Variants in GRB14 observed in about 807,000 individuals in gnomAD.
GRB14 encodes the protein growth factor receptor bound protein 14.
In GRB14, 38 loss-of-function variants were observed where a neutral mutation model predicts 69.1. The observed-to-expected ratio is 0.55, with a 90% CI of 0.42 to 0.72. The LOEUF is 0.72. Among genes scored for constraint, GRB14 ranks in the 30% least tolerant of loss-of-function variants. GRB14 has a pLI of 0.00. For missense variants in GRB14, 666 were observed against 666.1 expected (o/e 1.00, Z 0.00); for synonymous variants, 247 against 241.3 (o/e 1.02, Z -0.22).
chr2:164,493,766 A>G (rs1686820827), intron 13 of GRB14, among the ~76,000 whole-genome samples: 1 of 151,784 alleles, frequency 6.6e-6, no homozygotes, highest in Non-Finnish European at 1.5e-5. Flanking sequence ...CTCCAAAAAG[A>G]GGCAATTCAA....
rs558449108 is a variant in GRB14, at chr2:164,615,225, G to A, written c.324+4462C>T. 1.3e-3 allele frequency among the ~76,000 whole-genome samples: 195 copies of A among 152,132 alleles called. 2 individuals are homozygous for A. The highest frequency in any genetic ancestry group is 3.8e-3 in the African/African-American group (158 of 41,502). On this transcript the variant is annotated intron_variant, in intron 2 of 13. Transcript: ENST00000263915. ...CCCATGAAATAATATCCTGTGGACC[G>A]TAAACCACACACAAAAGCTGGTTAT...
intron 2 of GRB14, among the ~76,000 whole-genome samples, chr2:164,613,140 C>T (rs757701554): frequency 1.3e-5 from 2 of 152,104 alleles, no homozygotes; most frequent in Non-Finnish European, 2.9e-5. Flanking sequence ...GTATGCTTCA[C>T]GTACATTAAG....
chr2:164,553,790 C>T (rs534140335), intron 2 of GRB14, among the ~76,000 whole-genome samples: 1 of 152,082 alleles, frequency 6.6e-6, no homozygotes. Context: ...CATGGAGAAA[C>T]CCCATCTCTA....
intron 3 of GRB14, among the ~76,000 whole-genome samples, chr2:164,546,657 T>C (rs1254349119): frequency 2.6e-5 from 4 of 152,174 alleles, no homozygotes; most frequent in South Asian, 2.1e-4. Context: ...GAGATTAAGG[T>C]AGACAACCTC....
At chr2:164,612,292 G>A (rs1420744459) in intron 2 of GRB14, among the ~76,000 whole-genome samples, 1 of 152,194 alleles carries the variant, frequency 6.6e-6, no homozygotes, top group Non-Finnish European at 1.5e-5. Flanking sequence ...ATTTATTAAA[G>A]ATCTTCTGGA....
intron 3 of GRB14, among the ~76,000 whole-genome samples, chr2:164,546,940 T>C (rs899610750): frequency 6.6e-6 from 1 of 152,180 alleles, no homozygotes; most frequent in African/African-American, 2.4e-5. Context: ...ACTGTTGGGA[T>C]ATCCCCTTTG....
intron 6 of GRB14, among the ~76,000 whole-genome samples, chr2:164,518,968 T>C (rs925282324): frequency 3.3e-5 from 5 of 152,030 alleles, no homozygotes; most frequent in African/African-American, 7.2e-5. Flanking sequence ...ACCAATCCCA[T>C]TGACACTATT....
chr2:164,584,077 G>A (rs1002377262), intron 2 of GRB14, among the ~76,000 whole-genome samples: 37 of 148,254 alleles, frequency 2.5e-4, no homozygotes, highest in African/African-American at 8.0e-4. Context: ...CTTCTACCTC[G>A]CAGGTTCAAG....
rs1375449315 is a variant in GRB14, at chr2:164,621,480, T to G, written c.-171A>C. 30 of 127,836 alleles carry G rather than the reference T, an allele frequency of 2.3e-4. No homozygotes were observed. The highest frequency in any genetic ancestry group is 7.4e-4 in the African/African-American group (24 of 32,478). 7.9% of individuals were successfully genotyped at this position (127,836 alleles called of 1,614,324 possible). A position where few individuals can be genotyped will look rare whatever the true frequency, so the allele number is the denominator to read the frequency against. ...GGCTGAGACGCGCGGCCGAGCTATC[T>G]GCGAGGCGGCGGGGGAGGGGAGGGG... On this transcript the variant is annotated 5_prime_UTR_variant, in exon 1 of 14. Transcript: ENST00000263915. The surrounding 1 kb of genome is among the most constrained non-coding windows in gnomAD (Gnocchi z 6.0).
At chr2:164,599,778 C>G (rs1689871599) in intron 2 of GRB14, among the ~76,000 whole-genome samples, 1 of 152,140 alleles carries the variant, frequency 6.6e-6, no homozygotes, top group African/African-American at 2.4e-5. Context: ...AAATATTACA[C>G]AACAAATCAT....
At chr2:164,616,548 G>A (rs1690303952) in intron 2 of GRB14, among the ~76,000 whole-genome samples, 1 of 151,376 alleles carries the variant, frequency 6.6e-6, no homozygotes, top group African/African-American at 2.4e-5. Context: ...TGCAAAAAGT[G>A]ATAAAACATA....
rs543380419 is a variant in GRB14, at chr2:164,492,964, T to G, written c.*72A>C. On this transcript the variant is annotated 3_prime_UTR_variant, in exon 14 of 14. Coordinates refer to ENST00000263915, the MANE Select transcript of GRB14 (RefSeq NM_004490.3). ...TTTTCACATGGTAATGTTTTCGCCC[T>G]TATTTATGGTCTTTTATTATTTTTC... The G allele has an allele frequency of 3.0e-5, 42 of 1,404,844 alleles. No homozygotes were observed. The highest frequency in any genetic ancestry group is 4.0e-5 in the Non-Finnish European group (41 of 1,037,728). 87.0% of individuals were successfully genotyped at this position (1,404,844 alleles called of 1,614,324 possible).
At chr2:164,542,561 AC>A (rs1416644805) in intron 3 of GRB14, among the ~76,000 whole-genome samples, 1 of 152,094 alleles carries the variant, frequency 6.6e-6, no homozygotes, top group African/African-American at 2.4e-5. Flanking sequence ...ACAAAAAACA[AC>A]CCCATTATAA....
chr2:164,502,811 C>T (rs575502570), intron 8 of GRB14, among the ~76,000 whole-genome samples: 23 of 152,106 alleles, frequency 1.5e-4, no homozygotes, highest in African/African-American at 5.1e-4. Flanking sequence ...TAAACATGGG[C>T]CTATGTTGAA....
chr2:164,519,863 A>T lies in GRB14; in HGVS notation c.816+2117T>A, dbSNP rs998035572. Among the ~76,000 whole-genome samples, 5 of 152,268 alleles carry T rather than the reference A, an allele frequency of 3.3e-5. No individual in the cohort carries two copies. The South Asian group carries it at 1.0e-3, about 32-fold the overall frequency. Reference sequence around the variant, plus strand: ...AAAACATTGCTGAAAGAAAACATAGATGACACAAACAAATGGAAACACAGC... The same window carrying T: ...AAAACATTGCTGAAAGAAAACATAGTTGACACAAACAAATGGAAACACAGC... On this transcript the variant is annotated intron_variant, in intron 6 of 13. Transcript: ENST00000263915.
At position 164,497,373 on chromosome 2, in the gene GRB14, C is replaced by T; in HGVS notation, c.1221+1G>A. The stretch of plus-strand genomic sequence containing the variant: ...TTTGAAGCATGTGAAGCTACTTGTA[C>T]CCTCCAAGCGAGTCCTTCTTCAACC... On this transcript the variant is annotated splice_donor_variant, in intron 10 of 13. Coordinates refer to ENST00000263915, the MANE Select transcript of GRB14 (RefSeq NM_004490.3). LOFTEE classifies it high-confidence loss of function. The T allele has an allele frequency of 6.2e-7, 1 of 1,609,788 alleles. No individual in the cohort carries two copies. The highest frequency in any genetic ancestry group is 8.5e-7 in the Non-Finnish European group (1 of 1,176,934).
chr2:164,550,046 G>T (rs552248040), intron 2 of GRB14, among the ~76,000 whole-genome samples: 4 of 152,050 alleles, frequency 2.6e-5, no homozygotes, highest in African/African-American at 9.7e-5. Context: ...TTTATGAAAA[G>T]ATTTCTCCAT....
chr2:164,610,463 TA>T (rs1317733098), intron 2 of GRB14, among the ~76,000 whole-genome samples: 16 of 152,110 alleles, frequency 1.1e-4, no homozygotes, highest in African/African-American at 3.9e-4. Context: ...AAGCAAAAGA[TA>T]CGTACTTTTA....
At chr2:164,532,612 G>A (rs553162287) in intron 3 of GRB14, among the ~76,000 whole-genome samples, 3 of 152,278 alleles carry the variant, frequency 2.0e-5, no homozygotes, top group East Asian at 3.9e-4. Flanking sequence ...AATGTGATCA[G>A]GGAAGCAGAG....
Sources: allele counts gnomAD v4.1 joint callset (sites outside exome capture counted in the v4.1 genomes callset), GRCh38; gene constraint gnomAD v4.1.1; non-coding constraint Gnocchi (gnomAD v3.1); transcripts MANE v1.5; gene names NCBI Gene and HGNC (gene_info 2026-07-23, HGNC 2026-07-21).